EPM2A: variants seen among roughly 807,000 people sequenced by gnomAD.
The protein encoded by EPM2A is EPM2A glucan phosphatase, laforin, also known as laforin.
EPM2A carries 21 observed loss-of-function variants against 26.5 expected under a neutral mutation model. The ratio of observed to expected loss-of-function variants is 0.79; its 90% CI spans 0.56 to 1.14. The LOEUF (loss-of-function observed/expected upper bound fraction) is 1.14, where lower values mean the gene tolerates loss of function less well. Among genes scored for constraint, EPM2A ranks in the 50% most tolerant of loss-of-function variants. The probability of loss-of-function intolerance (pLI) is 0.00; values close to 1 mark genes in which losing one functional copy is unlikely to be tolerated. For missense variants in EPM2A, 458 were observed against 440.8 expected (o/e 1.04, Z -0.35); for synonymous variants, 217 against 177.6 (o/e 1.22, Z -1.76).
intron 2 of EPM2A, among the ~76,000 whole-genome samples, chr6:145,559,456 T>C (rs1404577780): frequency 1.3e-5 from 2 of 152,052 alleles, no homozygotes; most frequent in Admixed American, 6.6e-5. Flanking sequence ...TGTGTGAAAA[T>C]TAAAGATAGC....
chr6:145,406,306 A>C lies in EPM2A; in HGVS notation c.556-22209T>G, dbSNP rs75929714. Among the ~76,000 whole-genome samples, 1,219 of 152,312 alleles carry C rather than the reference A, an allele frequency of 8.0e-3. 12 individuals are homozygous for C. Among genetic ancestry groups the C allele is most frequent in the African/African-American group, 0.028 (1,174 of 41,578 alleles). On this transcript the variant is annotated intron_variant, in intron 4 of 4. Coordinates refer to the EPM2A transcript ENST00000638717. ...CATGTAAGTTCCTAAAGTATCTAAC[A>C]ATATACAAGAAGCTTCAAATAACAT... is the stretch of plus-strand genomic sequence containing the variant.
At position 145,626,185 on chromosome 6, in the gene EPM2A, T is replaced by G; in HGVS notation, c.*1231A>C. ...TTCATGGTCCAATCCTGCATTACAG[T>G]TGGTTGAATGCAGGTCTGTTTCTAG... On this transcript the variant is annotated 3_prime_UTR_variant, in exon 4 of 4. Coordinates refer to ENST00000367519, the MANE Select transcript of EPM2A (RefSeq NM_005670.4). The G allele has an allele frequency of 6.0e-6, 6 of 999,052 alleles. No individual in the cohort carries two copies. The South Asian group carries it at 2.2e-4, about 37-fold the overall frequency. The allele number at this position is 999,052 out of a possible 1,614,324, so 61.9% of individuals were successfully genotyped here. A position where few individuals can be genotyped will look rare whatever the true frequency, so the allele number is the denominator to read the frequency against.
At chr6:145,422,058 T>TAC (rs1562328430) in intron 4 of EPM2A, among the ~76,000 whole-genome samples, 2 of 46,860 alleles carry the variant, frequency 4.3e-5, no homozygotes, top group East Asian at 1.7e-3. Flanking sequence ...TATATGAGTG[T>TAC]ATATATATAT....
intron 4 of EPM2A, among the ~76,000 whole-genome samples, chr6:145,393,183 T>C (rs2114659487): frequency 6.6e-6 from 1 of 152,204 alleles, no homozygotes; most frequent in Non-Finnish European, 1.5e-5. Flanking sequence ...GGCTTTCGTG[T>C]TCAACTACCT....
intron 4 of EPM2A, among the ~76,000 whole-genome samples, chr6:145,465,203 T>G: frequency 6.6e-6 from 1 of 152,220 alleles, no homozygotes; most frequent in African/African-American, 2.4e-5. Context: ...TAAACTTCCC[T>G]TCTCGCTTCA....
At chr6:145,566,761 A>T (rs1780889225) in intron 2 of EPM2A, among the ~76,000 whole-genome samples, 1 of 152,206 alleles carries the variant, frequency 6.6e-6, no homozygotes, top group Non-Finnish European at 1.5e-5. Context: ...CTAAAGTTTC[A>T]CTTTTTTAAA....
At chr6:145,563,925 G>A (rs1188422832) in intron 2 of EPM2A, among the ~76,000 whole-genome samples, 4 of 152,090 alleles carry the variant, frequency 2.6e-5, no homozygotes, top group Admixed American at 6.5e-5. Flanking sequence ...CTGAGGAATC[G>A]GTTCCAGGAT....
At chr6:145,650,438 GC>G (rs1777803251) in intron 2 of EPM2A, among the ~76,000 whole-genome samples, 1 of 151,880 alleles carries the variant, frequency 6.6e-6, no homozygotes, top group African/African-American at 2.4e-5. Context: ...GGTAATCCCA[GC>G]TACTCGAGAG....
At chr6:145,416,554 A>G (rs1196181299) in intron 4 of EPM2A, among the ~76,000 whole-genome samples, 1 of 152,184 alleles carries the variant, frequency 6.6e-6, no homozygotes, top group Non-Finnish European at 1.5e-5. Flanking sequence ...GAGGAATGGC[A>G]GAAAGCCTGA....
rs558681442 is a variant in EPM2A, at chr6:145,577,644, T to C, written c.340+57601A>G. Among the ~76,000 whole-genome samples, 107 of 151,682 alleles carry C rather than the reference T, an allele frequency of 7.1e-4. 1 individual carries two copies. Among genetic ancestry groups the C allele is most frequent in the Non-Finnish European group, 1.3e-3 (90 of 67,922 alleles). On this transcript the variant is annotated intron_variant, in intron 2 of 3. Coordinates refer to the EPM2A transcript ENST00000450221. ...CACTTTTGGCTTTGGACAGATTATA[T>C]AGACAGAAATTCAACAAAGAAACCT...
At chr6:145,506,112 A>G (rs1459198143) in intron 2 of EPM2A, among the ~76,000 whole-genome samples, 1 of 152,248 alleles carries the variant, frequency 6.6e-6, no homozygotes, top group Non-Finnish European at 1.5e-5. Flanking sequence ...ATGGAAAAAA[A>G]GAGACAGCCC....
chr6:145,497,096 C>A (rs1779831542), downstream of EPM2A, among the ~76,000 whole-genome samples: 1 of 152,162 alleles, frequency 6.6e-6, no homozygotes, highest in African/African-American at 2.4e-5. Flanking sequence ...GTTCTGAACC[C>A]TTGCTGAAGA....
At chr6:145,495,041 T>C (rs1779798904) in intron 4 of EPM2A, among the ~76,000 whole-genome samples, 1 of 152,204 alleles carries the variant, frequency 6.6e-6, no homozygotes, top group South Asian at 2.1e-4. Flanking sequence ...CCTGAATATC[T>C]TTCTTAATAT....
chr6:145,731,992 C>CA (rs1270353677), intron 1 of EPM2A, among the ~76,000 whole-genome samples: 4 of 152,028 alleles, frequency 2.6e-5, no homozygotes, highest in Non-Finnish European at 5.9e-5. Flanking sequence ...AATACTGTAC[C>CA]AAATGATCAA....
At chr6:145,733,329 CAGAG>C (rs1348137345) in intron 1 of EPM2A, among the ~76,000 whole-genome samples, 3 of 151,888 alleles carry the variant, frequency 2.0e-5, no homozygotes, top group Admixed American at 1.3e-4. Context: ...GCAGGGAAGA[CAGAG>C]AGTGAACTTG....
chr6:145,538,002 T>C (rs542251678), intron 2 of EPM2A, among the ~76,000 whole-genome samples: 6 of 152,328 alleles, frequency 3.9e-5, no homozygotes, highest in African/African-American at 1.2e-4. Context: ...CAGTCTATCA[T>C]TGATGGGCAT....
At chr6:145,627,927 G>A in intron 3 of EPM2A, 1 of 590,950 alleles carries the variant, frequency 1.7e-6, no homozygotes, top group Non-Finnish European at 3.0e-6. Flanking sequence ...CCTTCCCTGG[G>A]TATTGCTGCT....
At chr6:145,690,051 T>C (rs555745560) in intron 1 of EPM2A, among the ~76,000 whole-genome samples, 1 of 152,014 alleles carries the variant, frequency 6.6e-6, no homozygotes. Flanking sequence ...GAGCTATCAA[T>C]GGAGGCCTAA....
chr6:145,642,765 G>C (rs1777182607), intron 2 of EPM2A, among the ~76,000 whole-genome samples: 1 of 152,140 alleles, frequency 6.6e-6, no homozygotes, highest in Non-Finnish European at 1.5e-5. Flanking sequence ...TATACTTTAG[G>C]AACTGTGAGA....
Sources: gnomAD v4.1 joint callset for allele counts (sites outside exome capture counted in the v4.1 genomes callset) on GRCh38, gnomAD v4.1.1 for gene constraint, MANE v1.5 for transcripts, NCBI Gene and HGNC (gene_info 2026-07-23, HGNC 2026-07-21) for gene names.